The following SDK1 variants were observed in gnomAD, a reference collection of about 807,000 sequenced individuals.
The protein encoded by SDK1 is protein sidekick-1.
A neutral mutation model predicts 245.5 loss-of-function variants in SDK1; 157 were observed. The observed-to-expected ratio is 0.64, with a 90% confidence interval of 0.56 to 0.73. SDK1 has a LOEUF of 0.73. SDK1 is among the 30% of genes least tolerant of loss of function. SDK1 has a pLI of 0.00. For synonymous variants in SDK1, 1,647 were observed against 1,278.5 expected (o/e 1.29, Z -6.15); for missense variants, 3,583 against 3,002.3 (o/e 1.19, Z -4.52).
intron 1 of SDK1, among the ~76,000 whole-genome samples, chr7:3,330,639 C>A (rs1405562622): frequency 6.6e-6 from 1 of 152,058 alleles, no homozygotes; most frequent in Non-Finnish European, 1.5e-5. Flanking sequence ...GACTTCATAG[C>A]CTCCAGAACC....
At chr7:4,023,230 C>G (rs777542290) in intron 17 of SDK1, among the ~76,000 whole-genome samples, 11 of 152,050 alleles carry the variant, frequency 7.2e-5, no homozygotes, top group Non-Finnish European at 1.5e-5. Flanking sequence ...TTTTCTTATC[C>G]CCCTTCATCC....
At chr7:3,714,694 C>T (rs151318424) in intron 4 of SDK1, among the ~76,000 whole-genome samples, 2 of 152,168 alleles carry the variant, frequency 1.3e-5, no homozygotes, top group Admixed American at 6.5e-5. Context: ...TTTCAAGACA[C>T]TTATTTTCTC....
At chr7:3,458,335 A>G (rs1234099845) in intron 1 of SDK1, among the ~76,000 whole-genome samples, 1 of 152,056 alleles carries the variant, frequency 6.6e-6, no homozygotes, top group African/African-American at 2.4e-5. Flanking sequence ...CTAAAAGTAG[A>G]GGGATTTTTG....
chr7:3,604,615 T>C (rs1194183892), intron 1 of SDK1, among the ~76,000 whole-genome samples: 2 of 149,364 alleles, frequency 1.3e-5, no homozygotes, highest in Admixed American at 6.6e-5. Flanking sequence ...TTTTTTTTTT[T>C]TTTTGAGACA....
At chr7:4,019,801 G>A (rs1479546949) in intron 17 of SDK1, among the ~76,000 whole-genome samples, 1 of 152,118 alleles carries the variant, frequency 6.6e-6, no homozygotes, top group East Asian at 1.9e-4. Context: ...CTGTCTTCGT[G>A]TCTTCTTCAT....
chr7:3,567,359 T>C (rs1779956373), intron 1 of SDK1, among the ~76,000 whole-genome samples: 1 of 152,234 alleles, frequency 6.6e-6, no homozygotes, highest in African/African-American at 2.4e-5. Flanking sequence ...GCCTAGTCAG[T>C]AGCAGCTATT....
chr7:3,902,057 G>A (rs551498310), intron 5 of SDK1, among the ~76,000 whole-genome samples: 3 of 152,228 alleles, frequency 2.0e-5, no homozygotes, highest in Non-Finnish European at 4.4e-5. Flanking sequence ...CCCAGCCCTG[G>A]AATCAGCCAT....
chr7:3,975,315 C>T (rs993086910), intron 13 of SDK1, among the ~76,000 whole-genome samples: 2 of 152,212 alleles, frequency 1.3e-5, no homozygotes, highest in Admixed American at 6.5e-5. Context: ...ACCGAGCACT[C>T]ATCAAGGCAG....
intron 5 of SDK1, among the ~76,000 whole-genome samples, chr7:3,863,615 A>G (rs911783191): frequency 6.6e-5 from 10 of 152,114 alleles, no homozygotes; most frequent in Admixed American, 2.0e-4. Flanking sequence ...CACTCTCTCT[A>G]TAACTTTTGT....
chr7:3,528,817 G>C (rs984959312), intron 1 of SDK1, among the ~76,000 whole-genome samples: 5 of 151,982 alleles, frequency 3.3e-5, no homozygotes, highest in Admixed American at 3.3e-4. Flanking sequence ...AAAAGTGGAA[G>C]ACTCAGAGAG....
At chr7:4,221,108 T>C in intron 39 of SDK1, 131 bp from the exon 40 acceptor site, 1 of 1,085,644 alleles carries the variant, frequency 9.2e-7, no homozygotes, top group Non-Finnish European at 1.3e-6. Context: ...CCTGGGTGCG[T>C]GAGGTTAAGT....
Position 4,243,836 on chromosome 7 carries a change from G to C in SDK1, c.6252-1840G>C, listed in dbSNP as rs180804185. Among the ~76,000 whole-genome samples the C allele has an allele frequency of 4.1e-3, 630 of 152,274 alleles. 1 individual carries two copies. Among genetic ancestry groups the C allele is most frequent in the African/African-American group, 0.014 (601 of 41,542 alleles). On this transcript the variant is annotated intron_variant, in intron 43 of 44. Transcript: ENST00000404826. ...CTGAGAGGGGAAGGGTCTGGGCAGG[G>C]ACACCTGAGATTGGTCCTGTAGCAT...
chr7:3,361,244 C>T (rs1780944126), intron 1 of SDK1, among the ~76,000 whole-genome samples: 1 of 152,216 alleles, frequency 6.6e-6, no homozygotes, highest in Non-Finnish European at 1.5e-5. Context: ...ATCTGGATAA[C>T]AGAGTGAGAC....
intron 44 of SDK1, among the ~76,000 whole-genome samples, chr7:4,250,282 A>G (rs1787207086): frequency 6.6e-6 from 1 of 151,960 alleles, no homozygotes; most frequent in East Asian, 1.9e-4. Flanking sequence ...TGACTTCAGA[A>G]CTTCTCCCTT....
chr7:3,574,130 T>C (rs1355129059), intron 1 of SDK1, among the ~76,000 whole-genome samples: 1 of 151,778 alleles, frequency 6.6e-6, no homozygotes, highest in Admixed American at 6.6e-5. Flanking sequence ...TTTCTTTTTT[T>C]TTTTGAGATG....
chr7:3,342,471 C>T (rs1481508657), intron 1 of SDK1, among the ~76,000 whole-genome samples: 1 of 151,956 alleles, frequency 6.6e-6, no homozygotes, highest in Non-Finnish European at 1.5e-5. Context: ...GCCTGTAATC[C>T]CAGTTACTCA....
chr7:3,998,196 G>A (rs146224434), intron 14 of SDK1, among the ~76,000 whole-genome samples: 5 of 152,346 alleles, frequency 3.3e-5, no homozygotes, highest in African/African-American at 4.8e-5. Flanking sequence ...CACCCCGGGA[G>A]CTCCCGCCCC....
rs191942209 is a variant in SDK1 at position 3,795,552 on chromosome 7, C to T, written c.714-25898C>T. Among the ~76,000 whole-genome samples the T allele has an allele frequency of 2.5e-3, 387 of 152,210 alleles. 2 individuals carry two copies. Among genetic ancestry groups the T allele is most frequent in the African/African-American group, 8.4e-3 (349 of 41,536 alleles). On this transcript the variant is annotated intron_variant, in intron 4 of 44. Transcript: ENST00000404826. ...ATTGGCTGCGCTCATGGAAATTTTC[C>T]TTTTACCCCTCACTGTATCTGGCTG...
intron 1 of SDK1, among the ~76,000 whole-genome samples, chr7:3,577,776 A>G (rs1013759934): frequency 1.3e-5 from 2 of 151,940 alleles, no homozygotes; most frequent in African/African-American, 4.8e-5. Context: ...CAGCTTTTGT[A>G]TGGTCATATT....
Sources: allele counts gnomAD v4.1 joint callset (sites outside exome capture counted in the v4.1 genomes callset), GRCh38; gene constraint gnomAD v4.1.1; transcripts MANE v1.5; gene names NCBI Gene and HGNC (gene_info 2026-07-23, HGNC 2026-07-21).